The following PSIP1 variants were observed in gnomAD, a reference collection of about 807,000 sequenced individuals.
The protein encoded by PSIP1 is PC4 and SFRS1-interacting protein.
Under a neutral mutation model 74.7 loss-of-function variants are expected in PSIP1, and 19 were observed. The observed-to-expected ratio is 0.25, with a 90% CI of 0.18 to 0.37. The LOEUF (loss-of-function observed/expected upper bound fraction) is 0.37, where lower values mean the gene tolerates loss of function less well. PSIP1 is among the 10% of genes least tolerant of loss of function. The pLI is 1.00. For synonymous variants in PSIP1, 222 were observed against 195.3 expected (o/e 1.14, Z -1.14); for missense variants, 601 against 614.3 (o/e 0.98, Z 0.23).
intron 4 of PSIP1, among the ~76,000 whole-genome samples, chr9:15,488,781 G>A (rs546113418): frequency 3.0e-4 from 46 of 151,770 alleles, no homozygotes; most frequent in Non-Finnish European, 6.0e-4. Flanking sequence ...CAACACTCTG[G>A]GGGGCCGAGG....
intron 3 of PSIP1, among the ~76,000 whole-genome samples, chr9:15,502,632 G>C (rs1297331827): frequency 6.6e-6 from 1 of 152,148 alleles, no homozygotes; most frequent in African/African-American, 2.4e-5. Context: ...AGATGACCAA[G>C]AGCGGACAGA....
At chr9:15,466,671 A>G (rs1563862768) in intron 15 of PSIP1, 77 bp downstream of exon 15, 2 of 1,135,360 alleles carry the variant, frequency 1.8e-6, no homozygotes, top group Non-Finnish European at 2.5e-6. Flanking sequence ...TTATAGTAAG[A>G]TAACCTTGGA....
At chr9:15,508,200 CA>C (rs1427498181) in intron 2 of PSIP1, among the ~76,000 whole-genome samples, 1 of 152,086 alleles carries the variant, frequency 6.6e-6, no homozygotes, top group Non-Finnish European at 1.5e-5. Flanking sequence ...AATGTTAAAG[CA>C]AAAATTGCAA....
chr9:15,469,620 G>A (rs560377337), intron 11 of PSIP1, among the ~76,000 whole-genome samples: 5 of 152,198 alleles, frequency 3.3e-5, no homozygotes, highest in African/African-American at 1.2e-4. Flanking sequence ...CTGCTCTCCA[G>A]TCCCCAAACA....
chr9:15,465,199 A>T lies in PSIP1; in HGVS notation c.*321T>A. 1 of 262,638 alleles carries T rather than the reference A, an allele frequency of 3.8e-6. No individual in the cohort carries two copies. The highest frequency in any genetic ancestry group is 7.2e-6 in the Non-Finnish European group (1 of 138,406). 16.3% of individuals were successfully genotyped at this position (262,638 alleles called of 1,614,324 possible). ...GTTTATACAAGTAGCAGTTTTAAAA[A>T]TGTAACTTTGTTCTACTATCAATTA... On this transcript the variant is annotated 3_prime_UTR_variant, in exon 16 of 16. Coordinates refer to ENST00000380733, the MANE Select transcript of PSIP1 (RefSeq NM_033222.5).
intron 15 of PSIP1, 183 bp from the exon 16 acceptor site, chr9:15,465,763 T>C (rs769716800): frequency 8.7e-5 from 46 of 531,324 alleles, no homozygotes; most frequent in Non-Finnish European, 1.4e-4. Flanking sequence ...AAACTGTTAT[T>C]TTACCATGTT....
At chr9:15,478,446 T>C (rs752502565) in intron 8 of PSIP1, 31 bp downstream of exon 8, 3 of 1,464,734 alleles carry the variant, frequency 2.0e-6, no homozygotes, top group Admixed American at 1.7e-5. Context: ...GTCTCATTTA[T>C]TGCATAATTA....
Position 15,466,298 on chromosome 9 carries a change from G to C in PSIP1, c.1532+450C>G, listed in dbSNP as rs563479203. Reference sequence around the variant, plus strand: ...GGAGGCTGAGGCAGGAGAATCGCTTGAACCCAGGAAGTGGAGGTTGCAGTG... The same window carrying C: ...GGAGGCTGAGGCAGGAGAATCGCTTCAACCCAGGAAGTGGAGGTTGCAGTG... On this transcript the variant is annotated intron_variant, in intron 15 of 15. Coordinates refer to ENST00000380733, the MANE Select transcript of PSIP1 (RefSeq NM_033222.5). 3.3e-5 allele frequency among the ~76,000 whole-genome samples: 5 copies of C among 152,328 alleles called. No homozygotes were observed. The South Asian group carries it at 8.3e-4, about 25-fold the overall frequency.
chr9:15,470,622 A>T, intron 10 of PSIP1: 1 of 953,996 alleles, frequency 1.0e-6, no homozygotes, highest in South Asian at 4.9e-5. Context: ...AACAAAAAAT[A>T]TCTAAAAATC....
chr9:15,508,965 G>GA (rs1444120915), intron 2 of PSIP1, among the ~76,000 whole-genome samples: 15 of 152,156 alleles, frequency 9.9e-5, no homozygotes, highest in Non-Finnish European at 8.8e-5. Context: ...TATAGGCAAG[G>GA]AAAAAAGCTT....
At chr9:15,488,545 C>T (rs866621059) in intron 4 of PSIP1, among the ~76,000 whole-genome samples, 3 of 152,072 alleles carry the variant, frequency 2.0e-5, no homozygotes, top group African/African-American at 4.8e-5. Flanking sequence ...TATTTTAAAT[C>T]GTAAGAGTTC....
chr9:15,502,251 C>T (rs1468597056), intron 3 of PSIP1, among the ~76,000 whole-genome samples: 1 of 152,086 alleles, frequency 6.6e-6, no homozygotes, highest in Non-Finnish European at 1.5e-5. Flanking sequence ...ATAGTTGTTA[C>T]ATTGCATTAA....
chr9:15,483,835 T>C (rs1291221392), intron 6 of PSIP1, among the ~76,000 whole-genome samples: 1 of 152,080 alleles, frequency 6.6e-6, no homozygotes, highest in East Asian at 1.9e-4. Context: ...TTACTAAATA[T>C]ACAAAAAATT....
intron 4 of PSIP1, among the ~76,000 whole-genome samples, chr9:15,488,224 C>T (rs1047992033): frequency 6.6e-6 from 1 of 151,974 alleles, no homozygotes; most frequent in African/African-American, 2.4e-5. Flanking sequence ...CCCAGCTACT[C>T]AGGAGGCTGA....
At chr9:15,504,874 G>A (rs942145813) in intron 3 of PSIP1, 4 of 151,200 alleles carry the variant, frequency 2.6e-5, no homozygotes, top group African/African-American at 9.7e-5. Context: ...ACGTAAATCA[G>A]AATCATCTGG....
chr9:15,467,154 C>G (rs1160668344), intron 14 of PSIP1, among the ~76,000 whole-genome samples: 1 of 152,134 alleles, frequency 6.6e-6, no homozygotes, highest in Non-Finnish European at 1.5e-5. Context: ...TCTGATTATT[C>G]TGGTTGTTAC....
At chr9:15,503,867 C>T (rs2037457717) in intron 3 of PSIP1, among the ~76,000 whole-genome samples, 1 of 152,114 alleles carries the variant, frequency 6.6e-6, no homozygotes, top group Non-Finnish European at 1.5e-5. Context: ...CTGCCTCAGC[C>T]TCCCAAGTAG....
intron 3 of PSIP1, among the ~76,000 whole-genome samples, chr9:15,503,510 T>TA (rs2037441120): frequency 6.6e-6 from 1 of 151,224 alleles, no homozygotes; most frequent in African/African-American, 2.4e-5. Context: ...ATAATAATAA[T>TA]AAAAAATACA....
chr9:15,485,759 GCA>G (rs1319009964), intron 6 of PSIP1: 1 of 357,274 alleles, frequency 2.8e-6, no homozygotes, highest in Non-Finnish European at 5.0e-6. Flanking sequence ...GAAAACTGAG[GCA>G]CAGTCATTAA....
Sources: allele counts gnomAD v4.1 joint callset (sites outside exome capture counted in the v4.1 genomes callset), GRCh38; gene constraint gnomAD v4.1.1; transcripts MANE v1.5; gene names NCBI Gene and HGNC (gene_info 2026-07-23, HGNC 2026-07-21).